The following SOD2 variants were observed in gnomAD, a reference collection of about 807,000 sequenced individuals.
The protein encoded by SOD2 is superoxide dismutase [Mn], mitochondrial.
SOD2 carries 11 observed loss-of-function variants against 27.0 expected under a neutral mutation model. The ratio of observed to expected loss-of-function variants is 0.41; its 90% CI spans 0.26 to 0.67. SOD2 has a LOEUF of 0.67. SOD2 is among the 30% of genes least tolerant of loss of function. The pLI is 0.34. For synonymous variants in SOD2, 105 were observed against 103.0 expected (o/e 1.02, Z -0.12); for missense variants, 250 against 274.5 (o/e 0.91, Z 0.63).
At position 159,677,386 on chromosome 6, in the gene SOD2, C is replaced by T. The variant is rs1779802195; in HGVS notation, c.*5107G>A. Reference sequence around the variant, plus strand: ...AAAGCCCACAATGAATAGCAGACAGCATGACTTCACCCTAGACAGGTCATG... The same window carrying T: ...AAAGCCCACAATGAATAGCAGACAGTATGACTTCACCCTAGACAGGTCATG... On this transcript the variant is annotated 3_prime_UTR_variant, in exon 5 of 5. Coordinates refer to ENST00000538183, the MANE Select transcript of SOD2 (RefSeq NM_000636.4). The T allele has an allele frequency of 6.6e-6, 1 of 152,188 alleles. No individual in the cohort carries two copies. The highest frequency in any genetic ancestry group is 1.5e-5 in the Non-Finnish European group (1 of 68,034). The allele number at this position is 152,188 out of a possible 1,614,324, so 9.4% of individuals were successfully genotyped here. A position where few individuals can be genotyped will look rare whatever the true frequency, so the allele number is the denominator to read the frequency against.
Position 159,679,471 on chromosome 6 carries a change from G to A in SOD2, c.*3022C>T, listed in dbSNP as rs951703255. On this transcript the variant is annotated 3_prime_UTR_variant, in exon 5 of 5. Transcript: ENST00000538183. ...GGTTTGGTATTACTTTTTTAAAGGC[G>A]CTCAATAGAAATTCAAATCTCACTT... 2 of 152,124 alleles carry A rather than the reference G, an allele frequency of 1.3e-5. No homozygotes were observed. Among genetic ancestry groups the A allele is most frequent in the Non-Finnish European group, 2.9e-5 (2 of 68,028 alleles). The allele number at this position is 152,124 out of a possible 1,614,324, so 9.4% of individuals were successfully genotyped here.
chr6:159,745,881 A>G (rs919579412), upstream of SOD2, among the ~76,000 whole-genome samples: 57 of 152,216 alleles, frequency 3.7e-4, no homozygotes, highest in African/African-American at 1.4e-3. Flanking sequence ...AGGCACAATC[A>G]ATAGGACTTG....
At chr6:159,744,775 A>G (rs985698711) in intron 1 of SOD2, among the ~76,000 whole-genome samples, 3 of 152,138 alleles carry the variant, frequency 2.0e-5, no homozygotes, top group Middle Eastern at 3.4e-3. Context: ...GCTGGAGTGC[A>G]GTGGTGTAAT....
chr6:159,717,520 T>C (rs980843980), intron 1 of SOD2, among the ~76,000 whole-genome samples: 1 of 152,254 alleles, frequency 6.6e-6, no homozygotes, highest in East Asian at 1.9e-4. Context: ...ATCAGGGTAA[T>C]TGGCACATCT....
intron 2 of SOD2, 64 bp downstream of exon 2, chr6:159,692,597 G>C (rs777515032): frequency 6.3e-6 from 10 of 1,599,970 alleles, no homozygotes; most frequent in Non-Finnish European, 7.7e-6. Context: ...CGTCCGTATG[G>C]GGCCTGGCTC....
At chr6:159,742,121 G>A (rs757806150) in intron 1 of SOD2, 68 of 1,608,288 alleles carry the variant, frequency 4.2e-5, no homozygotes, top group Non-Finnish European at 5.4e-5. Context: ...TACAAGCTTT[G>A]GAGGGCAAGT....
In SOD2 at chr6:159,669,563, T is replaced by G. The variant is rs1006123447; in HGVS notation, c.*12930A>C. ...GCTCATGCCTATAATCCCAGCACCT[T>G]AGGAGGCCAAAGCAGGAGGACTGCT... is the stretch of plus-strand genomic sequence containing the variant. On this transcript the variant is annotated 3_prime_UTR_variant, in exon 5 of 5. Transcript: ENST00000538183. The G allele has an allele frequency of 6.6e-6, 1 of 152,102 alleles. No individual in the cohort carries two copies. The highest frequency in any genetic ancestry group is 6.6e-5 in the Admixed American group (1 of 15,256). 9.4% of individuals were successfully genotyped at this position (152,102 alleles called of 1,614,324 possible). A position where few individuals can be genotyped will look rare whatever the true frequency, so the allele number is the denominator to read the frequency against.
At chr6:159,700,484 C>A (rs1394116841) in intron 1 of SOD2, among the ~76,000 whole-genome samples, 2 of 152,088 alleles carry the variant, frequency 1.3e-5, no homozygotes, top group Non-Finnish European at 2.9e-5. Context: ...AAAACCCCAT[C>A]TCCACTAAAA....
In SOD2 at chr6:159,727,325, G is replaced by T; in HGVS notation, c.-312C>A. 3.1e-6 allele frequency: 4 copies of T among 1,277,848 alleles called. No individual in the cohort carries two copies. In the South Asian group the frequency reaches 5.0e-5, roughly 16 times the overall value. 79.2% of individuals were successfully genotyped at this position (1,277,848 alleles called of 1,614,324 possible). A position where few individuals can be genotyped will look rare whatever the true frequency, so the allele number is the denominator to read the frequency against. On this transcript the variant is annotated 5_prime_UTR_variant, in exon 1 of 3. Coordinates refer to the SOD2 transcript ENST00000401980. ...GTGACTGCGGCCACGCCTGAAAGGC[G>T]ACTCTCCTGTGAGTGGGCCAGAAGG...
At chr6:159,745,452 A>T (rs561657174), upstream of SOD2, among the ~76,000 whole-genome samples, 137 of 147,960 alleles carry the variant, frequency 9.3e-4, no homozygotes, top group African/African-American at 3.0e-3. Flanking sequence ...TTTTTTTTTT[A>T]AAACAGCTGT....
At position 159,735,708 on chromosome 6, in the gene SOD2, C is replaced by T. The variant is rs148862343; in HGVS notation, c.-116+9422G>A. On this transcript the variant is annotated intron_variant, in intron 1 of 3. Transcript: ENST00000537657. ...AGGTTGCAGTGACCTGAGATCGCGC[C>T]ACTGCACTCCATCCTGGGCGACAGA... Among the ~76,000 whole-genome samples the T allele has an allele frequency of 5.9e-5, 9 of 152,078 alleles. No individual in the cohort carries two copies. In the East Asian group the frequency reaches 1.7e-3, roughly 29 times the overall value.
At chr6:159,748,146 T>G (rs775455176), upstream of SOD2, 12 of 1,570,322 alleles carry the variant, frequency 7.6e-6, no homozygotes, top group South Asian at 7.0e-5. This position sits in a 1 kb window ranked among gnomAD's most constrained non-coding sequence, Gnocchi z 5.6. Context: ...TTCTTATGTA[T>G]GTTTCCTTTG....
At chr6:159,755,176 C>T in intron 1 of SOD2, 15 of 1,614,088 alleles carry the variant, frequency 9.3e-6, no homozygotes, top group Non-Finnish European at 1.2e-5. Flanking sequence ...CAAGTACCAG[C>T]AGGACTACAG....
intron 1 of SOD2, among the ~76,000 whole-genome samples, chr6:159,740,779 C>T (rs1007483342): frequency 8.6e-5 from 13 of 150,908 alleles, no homozygotes; most frequent in Admixed American, 8.6e-4. Flanking sequence ...TCTCGGCTCA[C>T]TGCAACCGCC....
chr6:159,746,476 A>G (rs1391131836), upstream of SOD2, among the ~76,000 whole-genome samples: 1 of 152,126 alleles, frequency 6.6e-6, no homozygotes, highest in Non-Finnish European at 1.5e-5. Flanking sequence ...TTAGGAATCT[A>G]TTTGTGTAGA....
At chr6:159,710,512 T>A (rs564329289) in intron 1 of SOD2, among the ~76,000 whole-genome samples, 57 of 152,100 alleles carry the variant, frequency 3.7e-4, no homozygotes, top group African/African-American at 1.4e-3. Context: ...AAATTATATT[T>A]CTCATTTACC....
In SOD2 at chr6:159,669,724, T is replaced by C. The variant is rs762619756; in HGVS notation, c.*12769A>G. 8 of 152,240 alleles carry C rather than the reference T, an allele frequency of 5.3e-5. No individual in the cohort carries two copies. Among genetic ancestry groups the C allele is most frequent in the African/African-American group, 1.2e-4 (5 of 41,464 alleles). 9.4% of individuals were successfully genotyped at this position (152,240 alleles called of 1,614,324 possible). On this transcript the variant is annotated 3_prime_UTR_variant, in exon 5 of 5. Transcript: ENST00000538183. ...TTCATTACATAATGACTTTTCTTTT[T>C]ACAGTTTTTGACTTAAAGTCTATTT...
chr6:159,759,874 T>C (rs1336040374), intron 1 of SOD2, among the ~76,000 whole-genome samples: 1 of 152,050 alleles, frequency 6.6e-6, no homozygotes, highest in Non-Finnish European at 1.5e-5. Flanking sequence ...GGCAGGAAAC[T>C]CTATATCCCT....
chr6:159,699,576 CATG>C (rs1777489335), intron 1 of SOD2, among the ~76,000 whole-genome samples: 1 of 151,828 alleles, frequency 6.6e-6, no homozygotes, highest in Non-Finnish European at 1.5e-5. Flanking sequence ...AAAAAACAAA[CATG>C]GTCACTGCAT....
Sources: gnomAD v4.1 joint callset for allele counts (sites outside exome capture counted in the v4.1 genomes callset) on GRCh38, gnomAD v4.1.1 for gene constraint, Gnocchi (gnomAD v3.1) non-coding constraint, MANE v1.5 for transcripts, NCBI Gene and HGNC (gene_info 2026-07-23, HGNC 2026-07-21) for gene names.